DLGAP4: variants seen among roughly 807,000 people sequenced by gnomAD.
DLGAP4 encodes the protein DLG associated protein 4.
A neutral mutation model predicts 86.9 loss-of-function variants in DLGAP4; 18 were observed. The ratio of observed to expected loss-of-function variants is 0.21; its 90% CI spans 0.14 to 0.31. The LOEUF (loss-of-function observed/expected upper bound fraction) is 0.31. Ranked by LOEUF, DLGAP4 falls within the 10% of genes least tolerant of loss-of-function variation. The pLI, the probability that DLGAP4 is intolerant of heterozygous loss-of-function variation, is 1.00. For synonymous variants in DLGAP4, 548 were observed against 574.3 expected (o/e 0.95, Z 0.65); for missense variants, 1,085 against 1,362.6 (o/e 0.80, Z 3.21).
chr20:36,452,801 C>G (rs1022088848), intron 7 of DLGAP4, among the ~76,000 whole-genome samples: 1 of 146,414 alleles, frequency 6.8e-6, no homozygotes, highest in Non-Finnish European at 1.5e-5. Flanking sequence ...TGAGCCACTG[C>G]GCTTGGCCTT....
At chr20:36,404,621 C>T (rs1449656179) in intron 2 of DLGAP4, among the ~76,000 whole-genome samples, 2 of 152,168 alleles carry the variant, frequency 1.3e-5, no homozygotes, top group Non-Finnish European at 2.9e-5. Context: ...GAATGGAATG[C>T]GGGGAGCAGA....
At chr20:36,506,479 TACAG>T (rs1042112663) in intron 10 of DLGAP4, among the ~76,000 whole-genome samples, 5 of 152,182 alleles carry the variant, frequency 3.3e-5, no homozygotes, top group African/African-American at 1.2e-4. Context: ...TACTGTAACT[TACAG>T]ACAGATGGAG....
At chr20:36,497,357 C>T in intron 8 of DLGAP4, 1 of 1,271,660 alleles carries the variant, frequency 7.9e-7, no homozygotes, top group Non-Finnish European at 1.0e-6. Context: ...CCACTGTTTG[C>T]CTGTCCACTG....
rs1555889531 is a variant in DLGAP4, at chr20:36,306,827, C to T, written c.-304+315C>T. The stretch of plus-strand genomic sequence containing the variant: ...CCGGGACCGGATCCCCATTCCGGCT[C>T]TTTTTCCCGCGGACTCCCCCGTACC... On this transcript the variant is annotated intron_variant, in intron 1 of 12. Coordinates refer to ENST00000339266, the MANE Select transcript of DLGAP4 (RefSeq NM_001365621.2). This position sits in a 1 kb window ranked among gnomAD's most constrained non-coding sequence, Gnocchi z 4.9. 1.3e-5 allele frequency among the ~76,000 whole-genome samples: 2 copies of T among 152,128 alleles called. No homozygotes were observed. The highest frequency in any genetic ancestry group is 1.5e-5 in the Non-Finnish European group (1 of 67,988).
In DLGAP4 at chr20:36,401,156, C is replaced by T. The variant is rs6031657; in HGVS notation, c.-72-30490C>T. Among the ~76,000 whole-genome samples, 430 of 151,830 alleles carry T rather than the reference C, an allele frequency of 2.8e-3. 3 individuals are homozygous for T. The highest frequency in any genetic ancestry group is 9.9e-3 in the African/African-American group (408 of 41,128). On this transcript the variant is annotated intron_variant, in intron 2 of 12. Transcript: ENST00000339266. Reference sequence around the variant, plus strand: ...AAAACAGCACCCATCCAATCCTGGGCGGCAGAGGCTGCCGCTCCCTGAGAA... The same window carrying T: ...AAAACAGCACCCATCCAATCCTGGGTGGCAGAGGCTGCCGCTCCCTGAGAA...
Position 36,489,073 on chromosome 20 carries a change from C to T in DLGAP4, c.1649-7632C>T, listed in dbSNP as rs906489070. 6.6e-5 allele frequency among the ~76,000 whole-genome samples: 10 copies of T among 152,248 alleles called. No individual in the cohort carries two copies. In the East Asian group the frequency reaches 1.9e-3, roughly 29 times the overall value. ...ACAGTGAAGTCACCAACAGAAAGCC[C>T]ACAAATGGGAAAAGTATAGCACTAA... On this transcript the variant is annotated intron_variant, in intron 7 of 12. Transcript: ENST00000339266.
chr20:36,348,521 C>G (rs1555893204), intron 1 of DLGAP4, among the ~76,000 whole-genome samples: 1 of 151,968 alleles, frequency 6.6e-6, no homozygotes, highest in Non-Finnish European at 1.5e-5. Flanking sequence ...CAGGTTCAAG[C>G]AATTCTCCCG....
intron 7 of DLGAP4, among the ~76,000 whole-genome samples, chr20:36,493,609 C>G (rs1037558381): frequency 6.6e-6 from 1 of 152,186 alleles, no homozygotes; most frequent in Non-Finnish European, 1.5e-5. Flanking sequence ...CAGGGCCCAG[C>G]AGGATGCTGT....
At chr20:36,443,298 G>T (rs923626744) in intron 6 of DLGAP4, among the ~76,000 whole-genome samples, 1 of 152,152 alleles carries the variant, frequency 6.6e-6, no homozygotes, top group Admixed American at 6.5e-5. Flanking sequence ...CACTGTGGCT[G>T]CCCTGAGGGC....
At chr20:36,502,308 C>T (rs2036180422) in intron 10 of DLGAP4, among the ~76,000 whole-genome samples, 1 of 152,082 alleles carries the variant, frequency 6.6e-6, no homozygotes, top group Non-Finnish European at 1.5e-5. Context: ...GAATTGTTTG[C>T]CCTGTTGCCA....
At chr20:36,349,726 A>G (rs2030081151) in intron 1 of DLGAP4, among the ~76,000 whole-genome samples, 1 of 152,166 alleles carries the variant, frequency 6.6e-6, no homozygotes, top group Non-Finnish European at 1.5e-5. Context: ...AGGTACCCAC[A>G]TGTCATGATT....
In DLGAP4 at chr20:36,518,325, C is replaced by A. The variant is rs992964369; in HGVS notation, c.2513-5925C>A. On this transcript the variant is annotated intron_variant, in intron 10 of 12. Coordinates refer to ENST00000339266, the MANE Select transcript of DLGAP4 (RefSeq NM_001365621.2). ...TATATCACATTATCCTTTACTCATT[C>A]CTAATCTTTATTTGCATCTGTCTTC... is the stretch of plus-strand genomic sequence containing the variant. 5.3e-5 allele frequency among the ~76,000 whole-genome samples: 8 copies of A among 151,618 alleles called. No individual in the cohort carries two copies. The East Asian group carries it at 1.2e-3, about 22-fold the overall frequency.
At chr20:36,372,687 T>C (rs908872650) in intron 2 of DLGAP4, among the ~76,000 whole-genome samples, 3 of 152,204 alleles carry the variant, frequency 2.0e-5, no homozygotes, top group African/African-American at 4.8e-5. Context: ...TGCAAACATA[T>C]GCATTTTGCA....
At chr20:36,472,623 T>G (rs1380870737) in intron 7 of DLGAP4, among the ~76,000 whole-genome samples, 1 of 152,046 alleles carries the variant, frequency 6.6e-6, no homozygotes, top group Non-Finnish European at 1.5e-5. Context: ...TTGACAGGTC[T>G]CAGCTCACTT....
At chr20:36,311,338 C>A (rs1306253386) in intron 1 of DLGAP4, among the ~76,000 whole-genome samples, 1 of 152,072 alleles carries the variant, frequency 6.6e-6, no homozygotes, top group Non-Finnish European at 1.5e-5. Context: ...TTTCCTGAGC[C>A]GAGGAGTGGG....
At chr20:36,524,437 T>TAACA (rs1272500100) in intron 11 of DLGAP4, 96 bp downstream of exon 11, 2 of 1,008,114 alleles carry the variant, frequency 2.0e-6, no homozygotes, top group Non-Finnish European at 3.0e-6. Context: ...CCCTCCTCTG[T>TAACA]AACACACACA....
At chr20:36,314,041 G>A (rs982787206) in intron 1 of DLGAP4, among the ~76,000 whole-genome samples, 8 of 152,048 alleles carry the variant, frequency 5.3e-5, no homozygotes, top group African/African-American at 1.9e-4. Flanking sequence ...AAGGGGTGTC[G>A]GCATCTGACA....
chr20:36,441,370 C>T (rs904315902), intron 5 of DLGAP4, among the ~76,000 whole-genome samples: 1 of 152,322 alleles, frequency 6.6e-6, no homozygotes, highest in East Asian at 1.9e-4. Context: ...ACAGCTGGCT[C>T]CTCCTGGCGT....
At position 36,524,296 on chromosome 20, in the gene DLGAP4, G is replaced by T; in HGVS notation, c.2559G>T (p.Met853Ile). Residue 853 changes from methionine (M) to isoleucine (I), a missense_variant, in exon 11 of 13, where the codon ATG becomes ATT. Physicochemically the swap from Met to Ile is conservative, Grantham distance 10. This residue lies in a region of DLGAP4 where 1,082 missense variants were observed against 1,344.1 expected (regional missense o/e 0.81). Coordinates refer to ENST00000339266, the MANE Select transcript of DLGAP4 (RefSeq NM_001365621.2). ...LSAVGSAQLLMSQKFQQFRGL... is the reference protein window; with the variant it reads ...LSAVGSAQLLISQKFQQFRGL... ...CTGTGGGCAGTGCCCAGCTACTGAT[G>T]TCCCAGAAATTCCAGCAGTTCCGGG... 6.2e-7 allele frequency: 1 copy of T among 1,614,054 alleles called. No homozygotes were observed. The highest frequency in any genetic ancestry group is 8.5e-7 in the Non-Finnish European group (1 of 1,179,998).
Sources: allele counts gnomAD v4.1 joint callset (sites outside exome capture counted in the v4.1 genomes callset), GRCh38; gene constraint gnomAD v4.1.1; regional missense constraint gnomAD v4.1.1; non-coding constraint Gnocchi (gnomAD v3.1); transcripts MANE v1.5; gene names NCBI Gene and HGNC (gene_info 2026-07-23, HGNC 2026-07-21).